Variants in ARMC9 observed in about 807,000 individuals in gnomAD.
ARMC9 encodes the protein lisH domain-containing protein ARMC9.
ARMC9 carries 94 observed loss-of-function variants against 107.0 expected under a neutral mutation model. The observed-to-expected ratio is 0.88, with a 90% CI of 0.74 to 1.04. The LOEUF is 1.04. ARMC9 is among the 50% of genes least tolerant of loss of function. The pLI is 0.00. For synonymous variants in ARMC9, 380 were observed against 396.9 expected, an observed-to-expected ratio of 0.96 and a Z score of 0.51; for missense variants, 942 against 1,030.1, an observed-to-expected ratio of 0.91 and a Z score of 1.17.
At chr2:231,257,470 G>A (rs953908596) in intron 10 of ARMC9, among the ~76,000 whole-genome samples, 2 of 152,198 alleles carry the variant, frequency 1.3e-5, no homozygotes, top group Non-Finnish European at 2.9e-5. Flanking sequence ...GACGGGTGCT[G>A]TGTGATTCCT....
chr2:231,361,434 CAAA>C (rs775553119), intron 23 of ARMC9, among the ~76,000 whole-genome samples: 6 of 38,042 alleles, frequency 1.6e-4, no homozygotes, highest in Admixed American at 8.1e-4. Context: ...GACCCTGTCT[CAAA>C]AAAAAAAAAA....
intron 8 of ARMC9, 91 bp downstream of exon 8, chr2:231,235,472 C>A: frequency 6.9e-7 from 1 of 1,455,048 alleles, no homozygotes; most frequent in Non-Finnish European, 9.2e-7. Flanking sequence ...GTGGAGCCTG[C>A]CTCTCTCCAT....
intron 8 of ARMC9, among the ~76,000 whole-genome samples, chr2:231,236,169 C>T (rs969173418): frequency 6.6e-6 from 1 of 152,090 alleles, no homozygotes; most frequent in Non-Finnish European, 1.5e-5. Context: ...GGGCACGTGC[C>T]CTGCTGTCAT....
At chr2:231,315,668 GT>G (rs1324647365) in intron 19 of ARMC9, among the ~76,000 whole-genome samples, 58 of 152,282 alleles carry the variant, frequency 3.8e-4, no homozygotes, top group Non-Finnish European at 7.1e-4. Context: ...TAGCTTTATA[GT>G]AGGTTTCAAA....
In ARMC9 at chr2:231,373,260, G is replaced by C. The variant is rs991763002; in HGVS notation, c.*1725G>C. On this transcript the variant is annotated 3_prime_UTR_variant, in exon 25 of 25. Coordinates refer to ENST00000611582, the MANE Select transcript of ARMC9 (RefSeq NM_001352754.2). The surrounding 1 kb of genome is among the most constrained non-coding windows in gnomAD (Gnocchi z 4.4). ...AGGGTCCGCAAAATGCAACTCCTCCGTGGTGAGACTTTGAAAAGGTGTAGA... is the reference window on the plus strand; with the variant it reads ...AGGGTCCGCAAAATGCAACTCCTCCCTGGTGAGACTTTGAAAAGGTGTAGA... 6.6e-6 allele frequency: 1 copy of C among 152,250 alleles called. No individual in the cohort carries two copies. Among genetic ancestry groups the C allele is most frequent in the African/African-American group, 2.4e-5 (1 of 41,442 alleles). The allele number at this position is 152,250 out of a possible 1,614,324, so 9.4% of individuals were successfully genotyped here.
intron 19 of ARMC9, among the ~76,000 whole-genome samples, chr2:231,331,571 C>G (rs1406137883): frequency 1.3e-5 from 2 of 152,190 alleles, no homozygotes; most frequent in Non-Finnish European, 2.9e-5. Flanking sequence ...CCCTAGCTCC[C>G]TAGCTTCCTG....
rs2038031681 is a variant in ARMC9 at position 231,258,369 on chromosome 2, C to CG, written c.915-618dup. On this transcript the variant is annotated intron_variant, in intron 10 of 24. Coordinates refer to ENST00000611582, the MANE Select transcript of ARMC9 (RefSeq NM_001352754.2). Reference sequence around the variant, plus strand: ...GCTAATTTTGTGTTTTTAGTAGAGACGGGGTTTCACCATGTTGGCCAGGCT... The same window carrying CG: ...GCTAATTTTGTGTTTTTAGTAGAGACGGGGGTTTCACCATGTTGGCCAGGCT... Among the ~76,000 whole-genome samples, 3 of 151,980 alleles carry CG rather than the reference C, an allele frequency of 2.0e-5. No homozygotes were observed. The South Asian group carries it at 6.3e-4, about 32-fold the overall frequency.
At chr2:231,206,814 A>G (rs1480000175) in intron 2 of ARMC9, among the ~76,000 whole-genome samples, 1 of 152,172 alleles carries the variant, frequency 6.6e-6, no homozygotes, top group African/African-American at 2.4e-5. Context: ...AGCTTTGACA[A>G]GTAGGGCCCA....
Position 231,345,061 on chromosome 2 carries a change from C to A in ARMC9, c.1965C>A (p.Thr655=), listed in dbSNP as rs1264598877. Residue 655 remains threonine, a synonymous_variant, in exon 21 of 25, where the codon ACC becomes ACA. Coordinates refer to ENST00000611582, the MANE Select transcript of ARMC9 (RefSeq NM_001352754.2). ...SGDEPLQRPV[T]PGGHRNGYPV... Reference sequence around the variant, plus strand: ...ATGAGCCCCTGCAAAGGCCCGTCACCCCCGGCGGCCACAGAAACGGGTACC... The same window carrying A: ...ATGAGCCCCTGCAAAGGCCCGTCACACCCGGCGGCCACAGAAACGGGTACC... 1 of 1,613,742 alleles carries A rather than the reference C, an allele frequency of 6.2e-7. No homozygotes were observed. The highest frequency in any genetic ancestry group is 8.5e-7 in the Non-Finnish European group (1 of 1,179,934).
chr2:231,252,837 A>G (rs2037427698), intron 9 of ARMC9, among the ~76,000 whole-genome samples: 1 of 143,404 alleles, frequency 7.0e-6, no homozygotes, highest in Non-Finnish European at 1.5e-5. Flanking sequence ...ATAGGGTTTC[A>G]TCATGTTGCT....
intron 21 of ARMC9, among the ~76,000 whole-genome samples, chr2:231,352,398 T>C (rs2045124049): frequency 6.6e-6 from 1 of 151,446 alleles, no homozygotes; most frequent in Non-Finnish European, 1.5e-5. Context: ...GTTCAAGCGA[T>C]TCTCCTTTCT....
chr2:231,200,547 G>C (rs1374243942), intron 1 of ARMC9, among the ~76,000 whole-genome samples: 1 of 152,160 alleles, frequency 6.6e-6, no homozygotes, highest in Non-Finnish European at 1.5e-5. Flanking sequence ...GGTGGCGGAC[G>C]CCTGTAATCC....
At chr2:231,337,290 A>ATTTTTTTTTTTTTTTTTTTTTTTTTTTTT (rs58078324) in intron 20 of ARMC9, among the ~76,000 whole-genome samples, 1 of 38,028 alleles carries the variant, frequency 2.6e-5, no homozygotes, top group Non-Finnish European at 4.3e-5. Flanking sequence ...ATATATATAT[A>ATTTTTTTTTTTTTTTTTTTTTTTTTTTTT]TTTTTTTTTT....
At chr2:231,278,507 G>A in intron 16 of ARMC9, 49 bp downstream of exon 16, 1 of 1,562,484 alleles carries the variant, frequency 6.4e-7, no homozygotes, top group Non-Finnish European at 8.8e-7. Context: ...CTACACTGGG[G>A]ACCCAATGCC....
At chr2:231,276,580 T>C (rs1367534907) in intron 14 of ARMC9, 56 bp from the exon 15 acceptor site, 1 of 1,609,800 alleles carries the variant, frequency 6.2e-7, no homozygotes, top group Non-Finnish European at 8.5e-7. Flanking sequence ...TACTGTTTCC[T>C]CTTATATGAA....
intron 7 of ARMC9, among the ~76,000 whole-genome samples, chr2:231,233,643 G>T (rs183006547): frequency 5.9e-5 from 9 of 152,188 alleles, no homozygotes; most frequent in African/African-American, 1.9e-4. Context: ...GGGCATGGTG[G>T]CACATGCCTG....
chr2:231,321,877 T>C (rs1403176932), intron 19 of ARMC9, among the ~76,000 whole-genome samples: 1 of 152,212 alleles, frequency 6.6e-6, no homozygotes, highest in African/African-American at 2.4e-5. Flanking sequence ...TCTTCTCTTA[T>C]TGGGTGTATT....
chr2:231,236,117 A>C (rs1559330524), intron 8 of ARMC9, among the ~76,000 whole-genome samples: 1 of 152,098 alleles, frequency 6.6e-6, no homozygotes, highest in African/African-American at 2.4e-5. Context: ...CAAAGGATAA[A>C]TTGTCTGGCA....
chr2:231,212,006 A>G lies in ARMC9; in HGVS notation c.178-2825A>G, dbSNP rs141878548. Among the ~76,000 whole-genome samples, 813 of 152,276 alleles carry G rather than the reference A, an allele frequency of 5.3e-3. 12 individuals are homozygous for G. Among genetic ancestry groups the G allele is most frequent in the African/African-American group, 0.019 (781 of 41,540 alleles). The stretch of plus-strand genomic sequence containing the variant: ...CTGGGTTGAATGAAGAAGAGTGGGG[A>G]AAAAATTTAGAAAGAAAAATAAAAA... On this transcript the variant is annotated intron_variant, in intron 3 of 24. Coordinates refer to ENST00000611582, the MANE Select transcript of ARMC9 (RefSeq NM_001352754.2).
Sources: gnomAD v4.1 joint callset for allele counts (sites outside exome capture counted in the v4.1 genomes callset) on GRCh38, gnomAD v4.1.1 for gene constraint, Gnocchi (gnomAD v3.1) non-coding constraint, MANE v1.5 for transcripts, NCBI Gene and HGNC (gene_info 2026-07-23, HGNC 2026-07-21) for gene names.